LIMA1: variants seen among roughly 807,000 people sequenced by gnomAD.
The protein encoded by LIMA1 is LIM domain and actin binding 1.
A neutral mutation model predicts 62.6 loss-of-function variants in LIMA1; 52 were observed. The ratio of observed to expected loss-of-function variants is 0.83; its 90% CI spans 0.67 to 1.05. LIMA1 has a LOEUF of 1.05. Among genes scored for constraint, LIMA1 ranks in the 50% least tolerant of loss-of-function variants. The pLI, the probability that LIMA1 is intolerant of heterozygous loss-of-function variation, is 0.00. For synonymous variants in LIMA1, 302 were observed against 317.8 expected, an observed-to-expected ratio of 0.95 and a Z score of 0.53; for missense variants, 780 against 902.2, an observed-to-expected ratio of 0.86 and a Z score of 1.74.
intron 4 of LIMA1, among the ~76,000 whole-genome samples, chr12:50,220,708 T>C (rs1300615647): frequency 6.6e-6 from 1 of 152,200 alleles, no homozygotes; most frequent in African/African-American, 2.4e-5. Context: ...CCACTTAAAA[T>C]TCTTCTTCCC....
intron 10 of LIMA1, 109 bp downstream of exon 10, chr12:50,181,795 T>A (rs746439150): frequency 1.2e-4 from 137 of 1,191,124 alleles, no homozygotes; most frequent in Non-Finnish European, 1.5e-4. Flanking sequence ...TCAAGAGCCT[T>A]CAACAGAATA....
rs1232904029 is a variant in LIMA1, at chr12:50,208,871, G to A, written c.631-2803C>T. On this transcript the variant is annotated intron_variant, in intron 4 of 10. Coordinates refer to ENST00000341247, the MANE Select transcript of LIMA1 (RefSeq NM_016357.5). ...AAAAAGAATACAGTGAGCCGTGACC[G>A]CACTACTGCATTCCAGCCTGGGTGA... is the stretch of plus-strand genomic sequence containing the variant. 2.7e-5 allele frequency among the ~76,000 whole-genome samples: 4 copies of A among 149,688 alleles called. No homozygotes were observed. In the South Asian group the frequency reaches 6.4e-4, roughly 24 times the overall value.
intron 1 of LIMA1, among the ~76,000 whole-genome samples, chr12:50,255,106 C>G (rs1196359239): frequency 6.6e-6 from 1 of 151,848 alleles, no homozygotes; most frequent in Non-Finnish European, 1.5e-5. Flanking sequence ...AACCAGCCCT[C>G]CCCAAGCCAC....
chr12:50,222,172 T>C lies in LIMA1; in HGVS notation c.479A>G (p.Lys160Arg), dbSNP rs1212651697. 1 of 1,614,228 alleles carries C rather than the reference T, an allele frequency of 6.2e-7. No individual in the cohort carries two copies. The highest frequency in any genetic ancestry group is 1.3e-5 in the African/African-American group (1 of 75,048). The change falls in exon 4 of 11, where the codon AAA (lysine) becomes AGA (arginine). Residue 160 changes from lysine to arginine, a missense_variant. Transcript: ENST00000341247. ...DLKDHSTESK[K>R]MENCLGESRH... ...GGATTCTCCTAGACAATTTTCCATT[T>C]TTTTACTTTCTGTTGAGTGGTCTTT...
intron 6 of LIMA1, 150 bp from the exon 7 acceptor site, chr12:50,201,034 C>A: frequency 1.4e-6 from 2 of 1,428,850 alleles, no homozygotes; most frequent in South Asian, 1.5e-5. Context: ...CAAGCAAAAC[C>A]CACTGACTAG....
intron 10 of LIMA1, 130 bp from the exon 11 acceptor site, chr12:50,178,199 T>G: frequency 1.5e-6 from 1 of 656,028 alleles, no homozygotes; most frequent in Non-Finnish European, 2.3e-6. Context: ...TAAAAGCCCT[T>G]CAGTGACCAG....
intron 2 of LIMA1, among the ~76,000 whole-genome samples, chr12:50,245,972 G>C (rs760046423): frequency 6.6e-6 from 1 of 151,858 alleles, no homozygotes; most frequent in Admixed American, 6.6e-5. Context: ...GGTGGCTCAC[G>C]CCTGTAATCC....
intron 9 of LIMA1, chr12:50,186,860 T>C (rs1357231420): frequency 6.6e-6 from 1 of 152,216 alleles, no homozygotes; most frequent in Non-Finnish European, 1.5e-5. Context: ...TCAGAACTCC[T>C]GACTCACAAA....
chr12:50,178,024 A>G lies in LIMA1; in HGVS notation c.1320T>C (p.Pro440=). The change falls in exon 11 of 11, where the codon CCT becomes CCC. Residue 440 remains proline, a synonymous_variant. Transcript: ENST00000341247. ...ASLHGRIYCK[P]HFNQLFKSKG... ...TAGATTTAAAGAGTTGATTGAAGTG[A>G]GGCTTACAATAGATTCTTCCATGTA... The G allele has an allele frequency of 6.3e-7, 1 of 1,579,782 alleles. No homozygotes were observed. The highest frequency in any genetic ancestry group is 1.9e-5 in the Admixed American group (1 of 53,008).
intron 4 of LIMA1, among the ~76,000 whole-genome samples, chr12:50,209,042 G>T (rs1217498616): frequency 6.7e-6 from 1 of 148,938 alleles, no homozygotes; most frequent in African/African-American, 2.5e-5. Flanking sequence ...CGTTGCCCAG[G>T]CTGGTCTCAA....
At chr12:50,205,835 G>T in intron 5 of LIMA1, 149 bp downstream of exon 5, 4 of 345,644 alleles carry the variant, frequency 1.2e-5, no homozygotes, top group Non-Finnish European at 1.6e-5. Context: ...CGAGAGCAAT[G>T]AGATTTGAGA....
intron 6 of LIMA1, chr12:50,201,948 T>C (rs544435415): frequency 2.0e-5 from 3 of 152,264 alleles, no homozygotes; most frequent in South Asian, 2.1e-4. Flanking sequence ...TCGATGACTA[T>C]AGACATTTCC....
rs767347217 is a variant in LIMA1, at chr12:50,231,657, A to C, written c.165+8T>G. 2 of 1,613,798 alleles carry C rather than the reference A, an allele frequency of 1.2e-6. No individual in the cohort carries two copies. The highest frequency in any genetic ancestry group is 1.1e-5 in the South Asian group (1 of 91,068). On this transcript the variant is annotated splice_region_variant and intron_variant, in intron 3 of 10. Transcript: ENST00000341247. ...GTGCCACATGCCCTGGAATTTCTGA[A>C]TACTTACACTTCTCTTCTTCTCCAT...
intron 4 of LIMA1, among the ~76,000 whole-genome samples, chr12:50,213,280 T>A (rs558119245): frequency 1.9e-4 from 29 of 152,390 alleles, no homozygotes; most frequent in African/African-American, 7.0e-4. Flanking sequence ...TAGCTGTTTT[T>A]ATGTTTTCAA....
chr12:50,193,503 ATG>A (rs1190699898), intron 8 of LIMA1, among the ~76,000 whole-genome samples: 1 of 131,568 alleles, frequency 7.6e-6, no homozygotes, highest in African/African-American at 2.8e-5. Context: ...TATATCATAT[ATG>A]TGTATATATG....
intron 9 of LIMA1, 33 bp from the exon 10 acceptor site, chr12:50,182,070 G>A (rs1242327264): frequency 2.5e-6 from 4 of 1,611,610 alleles, no homozygotes; most frequent in Non-Finnish European, 3.4e-6. Context: ...TTTAGCATGG[G>A]CAGCGATGAG....
intron 2 of LIMA1, among the ~76,000 whole-genome samples, chr12:50,243,504 A>T (rs1209914933): frequency 6.6e-6 from 1 of 152,232 alleles, no homozygotes; most frequent in Non-Finnish European, 1.5e-5. Context: ...ATAGTCCTGC[A>T]GTCTTCTTTG....
chr12:50,177,532 GCTCT>G lies in LIMA1; in HGVS notation c.1808_1811del (p.Lys603ThrfsTer77). ...TGATAGGTGGGGACACAGTTTTTGG[GCTCT>G]TGACAGAGGTGCTTTGAAATGAAGC... On this transcript the variant is annotated frameshift_variant, in exon 11 of 11. Transcript: ENST00000341247. LOFTEE classifies it low-confidence loss of function (END_TRUNC). 2 of 1,611,298 alleles carry G rather than the reference GCTCT, an allele frequency of 1.2e-6. No homozygotes were observed. Among genetic ancestry groups the G allele is most frequent in the Non-Finnish European group, 1.7e-6 (2 of 1,178,968 alleles).
intron 1 of LIMA1, among the ~76,000 whole-genome samples, chr12:50,262,005 T>C (rs986791816): frequency 1.3e-5 from 2 of 152,062 alleles, no homozygotes; most frequent in African/African-American, 2.4e-5. Flanking sequence ...AATCAAACAA[T>C]AGAGTAGGTT....
Sources: gnomAD v4.1 joint callset for allele counts (sites outside exome capture counted in the v4.1 genomes callset) on GRCh38, gnomAD v4.1.1 for gene constraint, MANE v1.5 for transcripts, NCBI Gene and HGNC (gene_info 2026-07-23, HGNC 2026-07-21) for gene names.